Variants in ADGRD2 observed in about 807,000 individuals in gnomAD.
ADGRD2 encodes adhesion G protein-coupled receptor D2.
Under a neutral mutation model 44.4 loss-of-function variants are expected in ADGRD2, and 71 were observed. That is an observed-to-expected ratio of 1.60 (90% CI 1.32 to 1.95). ADGRD2 has a LOEUF of 1.95. ADGRD2 is among the 30% of genes most tolerant of loss of function. The probability of loss-of-function intolerance (pLI) is 0.00; values close to 1 mark genes in which losing one functional copy is unlikely to be tolerated. For synonymous variants in ADGRD2, 481 were observed against 224.8 expected (o/e 2.14, Z -10.19); for missense variants, 1,039 against 512.4 (o/e 2.03, Z -9.92).
rs370128564 is a variant in ADGRD2 at position 124,454,217 on chromosome 9, A to G, written c.1022+120A>G. On this transcript the variant is annotated intron_variant, in intron 4 of 21. Coordinates refer to ENST00000334810, the Ensembl canonical transcript of ADGRD2. This position sits in a 1 kb window ranked among gnomAD's most constrained non-coding sequence, Gnocchi z 4.5. ...AATTCAGAATAAACTCAGAGCTTCAAGGTCTCCATGGAGTCTAGGCCACAG... is the reference window on the plus strand; with the variant it reads ...AATTCAGAATAAACTCAGAGCTTCAGGGTCTCCATGGAGTCTAGGCCACAG... The G allele has an allele frequency of 1.1e-4, 67 of 599,432 alleles. No homozygotes were observed. Among genetic ancestry groups the G allele is most frequent in the African/African-American group, 8.3e-4 (45 of 53,986 alleles). The allele number at this position is 599,432 out of a possible 1,614,324, so 37.1% of individuals were successfully genotyped here. A position where few individuals can be genotyped will look rare whatever the true frequency, so the allele number is the denominator to read the frequency against.
In ADGRD2 at chr9:124,455,136, G is replaced by A. The variant is rs1449178272; in HGVS notation, c.1393+9G>A. 2 of 690,522 alleles carry A rather than the reference G, an allele frequency of 2.9e-6. No individual in the cohort carries two copies. Among genetic ancestry groups the A allele is most frequent in the South Asian group, 3.1e-5 (2 of 64,852 alleles). 42.8% of individuals were successfully genotyped at this position (690,522 alleles called of 1,614,324 possible). On this transcript the variant is annotated intron_variant, in intron 6 of 21. Transcript: ENST00000334810. ...GGCTCTCCCTCCGTGAAGTGAGGCT[G>A]GCAGGGCTGGGTGGGGCAGGGGCCT...
Position 124,454,182 on chromosome 9 carries a change from A to C in ADGRD2, c.1022+85A>C. ...GACTGAGAGGGGGTGAGCTGCTGGC[A>C]AAGTCTGGGAATTCAGAATAAACTC... On this transcript the variant is annotated intron_variant, in intron 4 of 21. Coordinates refer to ENST00000334810, the Ensembl canonical transcript of ADGRD2. This position sits in a 1 kb window ranked among gnomAD's most constrained non-coding sequence, Gnocchi z 4.5. 3 of 604,318 alleles carry C rather than the reference A, an allele frequency of 5.0e-6. No individual in the cohort carries two copies. Among genetic ancestry groups the C allele is most frequent in the Non-Finnish European group, 8.9e-6 (3 of 335,792 alleles). The allele number at this position is 604,318 out of a possible 1,614,324, so 37.4% of individuals were successfully genotyped here. A position where few individuals can be genotyped will look rare whatever the true frequency, so the allele number is the denominator to read the frequency against.
At chr9:124,457,975 G>A (rs1564138982) in intron 8 of ADGRD2, 138 bp from the exon 12 acceptor site, 1 of 627,992 alleles carries the variant, frequency 1.6e-6, no homozygotes, top group Non-Finnish European at 2.9e-6. Flanking sequence ...TTAGCTGTGT[G>A]ATCTTAGGGA....
chr9:124,462,591 C>T (rs1330994434), intron 10 of ADGRD2, among the ~76,000 whole-genome samples: 2 of 152,042 alleles, frequency 1.3e-5, no homozygotes, highest in African/African-American at 4.8e-5. Context: ...GTGATGTATA[C>T]CTTTCAGTGC....
intron 17 of ADGRD2, among the ~76,000 whole-genome samples, chr9:124,473,049 C>A (rs924014417): frequency 1.3e-5 from 2 of 152,226 alleles, no homozygotes; most frequent in African/African-American, 4.8e-5. Context: ...CAGGCCCGGC[C>A]TTTCCCTTCA....
At chr9:124,460,686 A>G (rs751383698) in intron 10 of ADGRD2, among the ~76,000 whole-genome samples, 2 of 151,774 alleles carry the variant, frequency 1.3e-5, no homozygotes, top group Admixed American at 1.3e-4. Flanking sequence ...ATGTACCATG[A>G]TTTGTTTTTC....
chr9:124,477,055 C>T (rs1385753243), intron 21 of ADGRD2: 1 of 565,666 alleles, frequency 1.8e-6, no homozygotes, highest in Non-Finnish European at 3.5e-6. Flanking sequence ...TCTTTCTGCC[C>T]CCTAAGCCCA....
chr9:124,470,567 C>A, exon 17 of ADGRD2: 1 of 709,716 alleles, frequency 1.4e-6, no homozygotes, highest in East Asian at 2.7e-5. Context: ...CCTGGTGCAC[C>A]TGAGCCCCGC....
In ADGRD2 at chr9:124,456,508, G is replaced by T. The variant is rs182533646; in HGVS notation, c.1394-114G>T. Reference sequence around the variant, plus strand: ...TAGAGTCCTTAAAGAGCCACGGAGGGTCTGGAGAGGGCAGGACCACCTCCC... The same window carrying T: ...TAGAGTCCTTAAAGAGCCACGGAGGTTCTGGAGAGGGCAGGACCACCTCCC... On this transcript the variant is annotated intron_variant, in intron 6 of 21. Transcript: ENST00000334810. 8 of 661,616 alleles carry T rather than the reference G, an allele frequency of 1.2e-5. No individual in the cohort carries two copies. In the African/African-American group the frequency reaches 1.4e-4, roughly 12 times the overall value. The allele number at this position is 661,616 out of a possible 1,614,324, so 41.0% of individuals were successfully genotyped here. A position where few individuals can be genotyped will look rare whatever the true frequency, so the allele number is the denominator to read the frequency against.
At chr9:124,473,092 T>A (rs1357297016) in intron 17 of ADGRD2, among the ~76,000 whole-genome samples, 1 of 152,222 alleles carries the variant, frequency 6.6e-6, no homozygotes, top group African/African-American at 2.4e-5. Flanking sequence ...TCTCTCTGTG[T>A]CCACCAAGGT....
intron 19 of ADGRD2, among the ~76,000 whole-genome samples, chr9:124,475,931 A>G (rs1420609720): frequency 6.6e-6 from 1 of 152,212 alleles, no homozygotes; most frequent in Admixed American, 6.5e-5. Context: ...ACCAGGGCCC[A>G]GGAAACTCTG....
chr9:124,457,917 G>A (rs1295063846), intron 8 of ADGRD2, among the ~76,000 whole-genome samples, 196 bp from the exon 12 acceptor site: 3 of 152,190 alleles, frequency 2.0e-5, no homozygotes, highest in African/African-American at 4.8e-5. Flanking sequence ...GAGTTGTGAG[G>A]TTCAGCACAT....
chr9:124,457,971 G>A, intron 8 of ADGRD2, 142 bp from the exon 12 acceptor site: 1 of 626,492 alleles, frequency 1.6e-6, no homozygotes. Flanking sequence ...CTTCTTAGCT[G>A]TGTGATCTTA....
intron 19 of ADGRD2, among the ~76,000 whole-genome samples, chr9:124,475,929 C>G (rs1554719931): frequency 6.6e-6 from 1 of 152,192 alleles, no homozygotes; most frequent in Non-Finnish European, 1.5e-5. Flanking sequence ...AAACCAGGGC[C>G]CAGGAAACTC....
chr9:124,475,071 C>A (rs185519595), intron 17 of ADGRD2, among the ~76,000 whole-genome samples: 21 of 152,332 alleles, frequency 1.4e-4, no homozygotes, highest in Admixed American at 1.2e-3. Context: ...TGTCCCAGGA[C>A]CTGACTTGGC....
In ADGRD2 at chr9:124,453,049, G is replaced by A. The variant is rs946002954; in HGVS notation, c.298G>A (p.Ala100Thr). ...TGTCCCTGCAGGTGCGCGCACCACC[G>A]CCGTGCTGGTGTTCGACGAGAGGAC... is the stretch of plus-strand genomic sequence containing the variant. Residue 100 changes from alanine to threonine, a missense_variant, in exon 3 of 22, where the codon GCC (alanine) becomes ACC (threonine). Transcript: ENST00000334810. The A allele has an allele frequency of 1.5e-5, 10 of 671,632 alleles. No homozygotes were observed. The Admixed American group carries it at 1.6e-4, about 11-fold the overall frequency. 41.6% of individuals were successfully genotyped at this position (671,632 alleles called of 1,614,324 possible).
upstream of ADGRD2, among the ~76,000 whole-genome samples, chr9:124,450,733 T>C (rs1202891660): frequency 6.6e-6 from 1 of 152,120 alleles, no homozygotes; most frequent in Non-Finnish European, 1.5e-5. Flanking sequence ...CTTTTCAGAA[T>C]CCAAAACGCG....
At chr9:124,475,065 C>T (rs1474156632) in intron 17 of ADGRD2, among the ~76,000 whole-genome samples, 2 of 152,346 alleles carry the variant, frequency 1.3e-5, no homozygotes, top group Middle Eastern at 3.4e-3. Flanking sequence ...GGCTGTTGTC[C>T]CAGGACCTGA....
intron 10 of ADGRD2, among the ~76,000 whole-genome samples, chr9:124,461,098 T>C (rs1210558374): frequency 6.6e-6 from 1 of 152,244 alleles, no homozygotes. Flanking sequence ...GTCATATATC[T>C]TCCTTTCTTA....
Sources: allele counts gnomAD v4.1 joint callset (sites outside exome capture counted in the v4.1 genomes callset), GRCh38; gene constraint gnomAD v4.1.1; non-coding constraint Gnocchi (gnomAD v3.1); transcripts MANE v1.5; gene names NCBI Gene and HGNC (gene_info 2026-07-23, HGNC 2026-07-21).